PCDHA1: variants seen among roughly 807,000 people sequenced by gnomAD.
PCDHA1 encodes the protein protocadherin alpha 1.
In PCDHA1, 42 loss-of-function variants were observed where a neutral mutation model predicts 61.3. The ratio of observed to expected loss-of-function variants is 0.69; its 90% CI spans 0.54 to 0.89. The LOEUF (loss-of-function observed/expected upper bound fraction) is 0.89. PCDHA1 is among the 40% of genes least tolerant of loss of function. PCDHA1 has a pLI of 0.00. For missense variants in PCDHA1, 1,256 were observed against 1,235.3 expected, an observed-to-expected ratio of 1.02 and a Z score of -0.25; for synonymous variants, 610 against 553.8, an observed-to-expected ratio of 1.10 and a Z score of -1.43.
At chr5:140,998,054 A>G (rs562918919) in intron 3 of PCDHA1, among the ~76,000 whole-genome samples, 37 of 152,304 alleles carry the variant, frequency 2.4e-4, no homozygotes, top group African/African-American at 8.9e-4. Flanking sequence ...CAGTGACATC[A>G]TCATCAACAG....
At chr5:140,970,562 A>G (rs1406680335) in intron 1 of PCDHA1, among the ~76,000 whole-genome samples, 1 of 152,156 alleles carries the variant, frequency 6.6e-6, no homozygotes, top group African/African-American at 2.4e-5. Flanking sequence ...TCGTCTCCAT[A>G]TGTATGCTTG....
intron 1 of PCDHA1, among the ~76,000 whole-genome samples, chr5:140,969,715 A>G (rs1312398688): frequency 6.6e-6 from 1 of 152,082 alleles, no homozygotes; most frequent in Non-Finnish European, 1.5e-5. Context: ...CTACAGGGAA[A>G]TTTTTCTTTT....
intron 1 of PCDHA1, chr5:140,809,605 G>A (rs1414368210): frequency 5.2e-6 from 8 of 1,524,772 alleles, no homozygotes; most frequent in African/African-American, 1.4e-5. Flanking sequence ...TTTAATTTTC[G>A]TATTGTTTTT....
chr5:141,009,820 CT>C lies in PCDHA1; in HGVS notation c.2738del (p.Phe913SerfsTer2). On this transcript the variant is annotated frameshift_variant, in exon 4 of 4. Transcript: ENST00000504120. LOFTEE classifies it high-confidence loss of function. ...CTAACAGCCAAATTGACAAAAGTGACTTCATAACCTTCGGCAAAAAGGAGGA... is the reference window on the plus strand; with the variant it reads ...CTAACAGCCAAATTGACAAAAGTGACTCATAACCTTCGGCAAAAAGGAGGA... ...PTNSQIDKSDFITFGKKEETK... is the reference protein window; with the variant it reads ...PTNSQIDKSDXITFGKKEETK... 6.2e-7 allele frequency: 1 copy of C among 1,613,960 alleles called. No individual in the cohort carries two copies. Among genetic ancestry groups the C allele is most frequent in the Non-Finnish European group, 8.5e-7 (1 of 1,179,996 alleles).
chr5:140,878,420 A>G (rs2057587520), intron 1 of PCDHA1, among the ~76,000 whole-genome samples: 1 of 152,236 alleles, frequency 6.6e-6, no homozygotes, highest in African/African-American at 2.4e-5. Flanking sequence ...TATTTCAAGT[A>G]GGAATAGATA....
intron 1 of PCDHA1, chr5:140,850,704 C>G (rs2041773068): frequency 1.3e-6 from 2 of 1,598,020 alleles, no homozygotes; most frequent in Admixed American, 3.4e-5. Context: ...GCCTGGCAAG[C>G]CGACGCTGGT....
In PCDHA1 at chr5:140,855,924, G is replaced by A. The variant is rs990164410; in HGVS notation, c.2394+67240G>A. 3.2e-5 allele frequency: 40 copies of A among 1,236,784 alleles called. 2 individuals are homozygous for A. In the Admixed American group the frequency reaches 7.8e-4, roughly 24 times the overall value. 76.6% of individuals were successfully genotyped at this position (1,236,784 alleles called of 1,614,324 possible). A position where few individuals can be genotyped will look rare whatever the true frequency, so the allele number is the denominator to read the frequency against. On this transcript the variant is annotated intron_variant, in intron 1 of 3. Coordinates refer to ENST00000504120, the MANE Select transcript of PCDHA1 (RefSeq NM_018900.4). ...CCAGTTTCTCAAGGACTAGGAAGTA[G>A]CGTCATTCTGAGATCTCAGCCATTT...
intron 1 of PCDHA1, chr5:140,926,758 G>C: frequency 2.3e-6 from 3 of 1,302,056 alleles, no homozygotes; most frequent in Non-Finnish European, 3.0e-6. Flanking sequence ...CGGTCGCTGA[G>C]TATCCAGCCC....
chr5:140,850,789 A>C, intron 1 of PCDHA1: 1 of 1,598,402 alleles, frequency 6.3e-7, no homozygotes, highest in Non-Finnish European at 8.6e-7. Flanking sequence ...GAGGGTAAGC[A>C]GAAGACCGAC....
At position 140,797,303 on chromosome 5, in the gene PCDHA1, C is replaced by G. The variant is rs1762209052; in HGVS notation, c.2394+8619C>G. The G allele has an allele frequency of 1.9e-6, 3 of 1,614,212 alleles. 1 individual carries two copies. In the South Asian group the frequency reaches 3.3e-5, roughly 18 times the overall value. On this transcript the variant is annotated intron_variant, in intron 1 of 3. Transcript: ENST00000504120. The stretch of plus-strand genomic sequence containing the variant: ...TTCAGCCCTAGCTTATCTCAAGGTC[C>G]AGACTCCGCAGAAGAGAAACAGCTC...
intron 1 of PCDHA1, among the ~76,000 whole-genome samples, chr5:140,903,731 T>C (rs1554191096): frequency 6.6e-6 from 1 of 152,238 alleles, no homozygotes; most frequent in South Asian, 2.1e-4. Context: ...CTATTATCAA[T>C]TATTACAGAA....
chr5:140,936,200 T>C (rs906256264), intron 1 of PCDHA1, among the ~76,000 whole-genome samples: 4 of 152,322 alleles, frequency 2.6e-5, no homozygotes, highest in African/African-American at 7.2e-5. Context: ...GCCAAAGTTG[T>C]CTTTTTTATT....
chr5:140,902,413 C>T (rs2069433988), intron 1 of PCDHA1, among the ~76,000 whole-genome samples: 1 of 152,014 alleles, frequency 6.6e-6, no homozygotes, highest in African/African-American at 2.4e-5. Context: ...TGTTGAATAA[C>T]AGTGGTGAAA....
At chr5:140,938,218 T>C (rs1050033125) in intron 1 of PCDHA1, among the ~76,000 whole-genome samples, 1 of 152,210 alleles carries the variant, frequency 6.6e-6, no homozygotes, top group Admixed American at 6.5e-5. Flanking sequence ...AGTGCTGGGA[T>C]TACAGGCATA....
chr5:141,001,213 A>G (rs2097997873), intron 3 of PCDHA1, among the ~76,000 whole-genome samples: 1 of 152,154 alleles, frequency 6.6e-6, no homozygotes, highest in African/African-American at 2.4e-5. Context: ...TGTGCTGTAT[A>G]AGGATAGTTA....
chr5:140,988,707 G>A (rs2097310016), intron 3 of PCDHA1, among the ~76,000 whole-genome samples: 1 of 152,106 alleles, frequency 6.6e-6, no homozygotes, highest in African/African-American at 2.4e-5. Context: ...TATTTTCTTG[G>A]ACCTCTCATT....
chr5:140,809,801 A>G (rs1233967779), intron 1 of PCDHA1: 1 of 450,432 alleles, frequency 2.2e-6, no homozygotes. Flanking sequence ...TGTAATTTCT[A>G]GTAAATTTTC....
At chr5:140,962,817 G>A (rs555403742) in intron 1 of PCDHA1, among the ~76,000 whole-genome samples, 2 of 152,202 alleles carry the variant, frequency 1.3e-5, no homozygotes, top group South Asian at 4.1e-4. Flanking sequence ...CATCAGAGAT[G>A]ACCATTTGTC....
intron 1 of PCDHA1, chr5:140,828,487 G>A: frequency 6.2e-7 from 1 of 1,614,226 alleles, no homozygotes; most frequent in Non-Finnish European, 8.5e-7. Flanking sequence ...ACCCGCCCTT[G>A]TTCCCGGTAG....
Sources: allele counts gnomAD v4.1 joint callset (sites outside exome capture counted in the v4.1 genomes callset), GRCh38; gene constraint gnomAD v4.1.1; transcripts MANE v1.5; gene names NCBI Gene and HGNC (gene_info 2026-07-23, HGNC 2026-07-21).